Variants in GNG12 observed in about 807,000 individuals in gnomAD.
GNG12 encodes the protein guanine nucleotide-binding protein G(I)/G(S)/G(O) subunit gamma-12.
For missense variants in GNG12, 69 were observed against 83.8 expected (o/e 0.82, Z 0.69); for synonymous variants, 28 against 29.7 (o/e 0.94, Z 0.19).
At chr1:67,818,866 A>C (rs1646969551) in intron 1 of GNG12, among the ~76,000 whole-genome samples, 1 of 152,214 alleles carries the variant, frequency 6.6e-6, no homozygotes, top group Admixed American at 6.5e-5. Context: ...GTAAACTGAG[A>C]CACAGCCGTT....
At chr1:67,823,792 G>A (rs1445938247) in intron 1 of GNG12, among the ~76,000 whole-genome samples, 2 of 152,158 alleles carry the variant, frequency 1.3e-5, no homozygotes, top group African/African-American at 4.8e-5. Flanking sequence ...CCACTTCTGG[G>A]AATCAATCCT....
In GNG12 at chr1:67,704,313, T is replaced by C. The variant is rs1646232306; in HGVS notation, c.*1138A>G. ...AAAAGAGCTTAAGCATCCTGACAGC[T>C]TGCATTTTTTTTTTAATTTTTTTTT... is the stretch of plus-strand genomic sequence containing the variant. On this transcript the variant is annotated 3_prime_UTR_variant, in exon 4 of 4. Coordinates refer to ENST00000370982, the MANE Select transcript of GNG12 (RefSeq NM_018841.6). The C allele has an allele frequency of 6.6e-6, 1 of 152,200 alleles. No homozygotes were observed. The highest frequency in any genetic ancestry group is 2.1e-4 in the South Asian group (1 of 4,824). The allele number at this position is 152,200 out of a possible 1,614,324, so 9.4% of individuals were successfully genotyped here.
intron 2 of GNG12, among the ~76,000 whole-genome samples, chr1:67,753,702 C>A (rs561025540): frequency 6.8e-4 from 104 of 152,296 alleles, no homozygotes; most frequent in Admixed American, 1.3e-3. Context: ...TGCTCTGTAT[C>A]CCTAGCACTT....
chr1:67,712,292 T>C (rs1201198311), intron 2 of GNG12, among the ~76,000 whole-genome samples: 1 of 152,236 alleles, frequency 6.6e-6, no homozygotes, highest in Non-Finnish European at 1.5e-5. Context: ...ATGGAACCTG[T>C]GAGCACACAT....
intron 1 of GNG12, among the ~76,000 whole-genome samples, chr1:67,796,930 T>C (rs1015633195): frequency 2.0e-5 from 3 of 152,190 alleles, no homozygotes; most frequent in African/African-American, 4.8e-5. Context: ...GGTGTGTCAC[T>C]TGGTGAGCCA....
At chr1:67,751,200 C>T (rs558010137) in intron 2 of GNG12, among the ~76,000 whole-genome samples, 21 of 151,804 alleles carry the variant, frequency 1.4e-4, no homozygotes, top group African/African-American at 5.1e-4. Flanking sequence ...CACACACACA[C>T]ACACACACAC....
intron 2 of GNG12, among the ~76,000 whole-genome samples, chr1:67,723,480 G>A (rs1646367664): frequency 6.6e-6 from 1 of 152,176 alleles, no homozygotes; most frequent in Admixed American, 6.5e-5. Context: ...CTATTGCCAG[G>A]TTGTATGAAT....
intron 2 of GNG12, among the ~76,000 whole-genome samples, chr1:67,716,554 C>T (rs1378615369): frequency 6.6e-6 from 1 of 152,122 alleles, no homozygotes; most frequent in Non-Finnish European, 1.5e-5. Context: ...AAAATTCTTG[C>T]CCAAGATCAC....
At chr1:67,711,049 C>T (rs1168600283) in intron 2 of GNG12, among the ~76,000 whole-genome samples, 9 of 151,920 alleles carry the variant, frequency 5.9e-5, no homozygotes, top group African/African-American at 1.9e-4. Flanking sequence ...AACTCAATTT[C>T]TCTTCTGAAA....
At chr1:67,713,702 T>C (rs1646309283) in intron 2 of GNG12, among the ~76,000 whole-genome samples, 2 of 152,286 alleles carry the variant, frequency 1.3e-5, no homozygotes, top group Middle Eastern at 3.4e-3. Context: ...TCTCTGGTCT[T>C]GCCTTCAACT....
intron 2 of GNG12, among the ~76,000 whole-genome samples, chr1:67,759,386 A>G (rs897193296): frequency 6.6e-6 from 1 of 152,210 alleles, no homozygotes. Flanking sequence ...ACTGCATCCA[A>G]AGTACTGTGG....
chr1:67,724,200 T>C (rs796991972), intron 2 of GNG12, among the ~76,000 whole-genome samples: 6 of 151,440 alleles, frequency 4.0e-5, no homozygotes, highest in South Asian at 2.1e-4. Context: ...GCAAAGAGGG[T>C]AACTGAGAGG....
At chr1:67,739,509 T>C (rs538509414) in intron 2 of GNG12, among the ~76,000 whole-genome samples, 15 of 152,314 alleles carry the variant, frequency 9.8e-5, no homozygotes, top group African/African-American at 3.1e-4. Flanking sequence ...ATGAAAAGTA[T>C]TGGGACAGCT....
chr1:67,734,489 A>G (rs952596558), intron 2 of GNG12, among the ~76,000 whole-genome samples: 1 of 152,162 alleles, frequency 6.6e-6, no homozygotes, highest in East Asian at 1.9e-4. Flanking sequence ...CAAGAGTGCT[A>G]TATTTTCCCC....
At chr1:67,775,870 GT>G (rs1293206568) in intron 2 of GNG12, among the ~76,000 whole-genome samples, 1 of 152,198 alleles carries the variant, frequency 6.6e-6, no homozygotes, top group Non-Finnish European at 1.5e-5. Flanking sequence ...GGATTTCCAG[GT>G]AGAGAAGGGG....
chr1:67,715,126 C>T (rs1276615850), intron 2 of GNG12, among the ~76,000 whole-genome samples: 5 of 152,082 alleles, frequency 3.3e-5, no homozygotes, highest in Non-Finnish European at 7.4e-5. Flanking sequence ...ACCATGTTGG[C>T]CAGGCTGGTC....
At chr1:67,830,976 C>T (rs528485430) in intron 1 of GNG12, among the ~76,000 whole-genome samples, 1 of 152,334 alleles carries the variant, frequency 6.6e-6, no homozygotes, top group East Asian at 1.9e-4. Context: ...CATATACTTT[C>T]TGTAAAGCCC....
At chr1:67,762,535 TAA>T (rs1353476055) in intron 2 of GNG12, among the ~76,000 whole-genome samples, 5 of 152,164 alleles carry the variant, frequency 3.3e-5, no homozygotes, top group Non-Finnish European at 4.4e-5. Context: ...GAGAAAAGTT[TAA>T]AAGAGTATGT....
At chr1:67,707,457 A>G (rs2100667268) in intron 3 of GNG12, 137 bp downstream of exon 3, 2 of 664,984 alleles carry the variant, frequency 3.0e-6, no homozygotes, top group Non-Finnish European at 5.3e-6. Flanking sequence ...TAGGATTTTG[A>G]GACTCTCAGC....
Sources: allele counts gnomAD v4.1 joint callset (sites outside exome capture counted in the v4.1 genomes callset), GRCh38; gene constraint gnomAD v4.1.1; transcripts MANE v1.5; gene names NCBI Gene and HGNC (gene_info 2026-07-23, HGNC 2026-07-21).